RPS6KC1: variants seen among roughly 807,000 people sequenced by gnomAD.
RPS6KC1 encodes ribosomal protein S6 kinase C1, also known as inactive ribosomal protein S6 kinase delta-1.
RPS6KC1 carries 54 observed loss-of-function variants against 103.8 expected under a neutral mutation model. The observed-to-expected ratio is 0.52, with a 90% CI of 0.42 to 0.65. The LOEUF (loss-of-function observed/expected upper bound fraction) is 0.65. Among genes scored for constraint, RPS6KC1 ranks in the 30% least tolerant of loss-of-function variants. RPS6KC1 has a pLI of 0.00. For missense variants in RPS6KC1, 1,151 were observed against 1,253.8 expected (o/e 0.92, Z 1.24); for synonymous variants, 439 against 438.7 (o/e 1.00, Z -0.01).
the RPS6KC1 span, among the ~76,000 whole-genome samples, chr1:213,670,273 T>G: frequency 6.6e-6 from 1 of 152,176 alleles, no homozygotes; most frequent in Non-Finnish European, 1.5e-5. Context: ...GGGAGGAGGC[T>G]GTGCCAGTCT....
the RPS6KC1 span, among the ~76,000 whole-genome samples, chr1:213,375,399 G>A: frequency 6.6e-6 from 1 of 152,058 alleles, no homozygotes; most frequent in African/African-American, 2.4e-5. Flanking sequence ...TCTTAACCTC[G>A]TGCAAAGTGT....
chr1:213,099,022 A>G (rs1174715561), intron 3 of RPS6KC1, among the ~76,000 whole-genome samples: 1 of 152,226 alleles, frequency 6.6e-6, no homozygotes, highest in Admixed American at 6.5e-5. Context: ...AGGGAAATTC[A>G]AAGCTGTAGT....
chr1:213,373,400 A>G, the RPS6KC1 span, among the ~76,000 whole-genome samples: 1 of 152,260 alleles, frequency 6.6e-6, no homozygotes, highest in Non-Finnish European at 1.5e-5. Flanking sequence ...TTTGGGTTTA[A>G]TGATGTTCTT....
the RPS6KC1 span, chr1:213,794,563 A>G: frequency 6.6e-6 from 1 of 152,240 alleles, no homozygotes; most frequent in Non-Finnish European, 1.5e-5. Flanking sequence ...AGACTGGTCT[A>G]AATAAAAATT....
chr1:213,526,980 T>C, the RPS6KC1 span, among the ~76,000 whole-genome samples: 1 of 152,236 alleles, frequency 6.6e-6, no homozygotes, highest in Non-Finnish European at 1.5e-5. Flanking sequence ...ATTCATTGGA[T>C]GGCTTAATTG....
the RPS6KC1 span, among the ~76,000 whole-genome samples, chr1:213,602,102 T>TTCTCTCTCTCTCTC: frequency 4.3e-5 from 1 of 23,002 alleles, no homozygotes; most frequent in African/African-American, 2.0e-4. Flanking sequence ...CTTTCTTTCT[T>TTCTCTCTCTCTCTC]TCTTTCTTTC....
the RPS6KC1 span, among the ~76,000 whole-genome samples, chr1:213,848,900 G>A: frequency 1.1e-4 from 17 of 152,254 alleles, no homozygotes; most frequent in Middle Eastern, 0.014. Context: ...TGAGGGGAGA[G>A]GAATCCCGGG....
the RPS6KC1 span, among the ~76,000 whole-genome samples, chr1:213,753,351 C>T: frequency 6.6e-6 from 1 of 152,088 alleles, no homozygotes; most frequent in African/African-American, 2.4e-5. Context: ...AGTTGATCTC[C>T]CATTACTTTC....
At chr1:213,624,725 G>A in the RPS6KC1 span, among the ~76,000 whole-genome samples, 1 of 152,256 alleles carries the variant, frequency 6.6e-6, no homozygotes, top group African/African-American at 2.4e-5. Flanking sequence ...GACCTGTGGT[G>A]CTCAGGATCC....
the RPS6KC1 span, among the ~76,000 whole-genome samples, chr1:213,522,432 T>C: frequency 6.6e-6 from 1 of 152,210 alleles, no homozygotes; most frequent in East Asian, 1.9e-4. Context: ...CAATGAGCAT[T>C]GGCTTCCACT....
At chr1:213,806,150 G>T in the RPS6KC1 span, among the ~76,000 whole-genome samples, 1 of 152,078 alleles carries the variant, frequency 6.6e-6, no homozygotes, top group African/African-American at 2.4e-5. Flanking sequence ...GGCTAACACG[G>T]TGAAACCCTG....
the RPS6KC1 span, among the ~76,000 whole-genome samples, chr1:213,826,144 G>A: frequency 4.0e-5 from 6 of 151,812 alleles, no homozygotes; most frequent in African/African-American, 1.4e-4. Context: ...CCATCTTTAG[G>A]AGAAAAAAAT....
chr1:213,083,551 G>C (rs907066187), intron 3 of RPS6KC1, among the ~76,000 whole-genome samples: 5 of 152,136 alleles, frequency 3.3e-5, no homozygotes, highest in Admixed American at 6.5e-5. Context: ...CTACACTTAG[G>C]GAACGACACC....
chr1:213,400,203 G>A, the RPS6KC1 span, among the ~76,000 whole-genome samples: 1 of 152,072 alleles, frequency 6.6e-6, no homozygotes, highest in East Asian at 1.9e-4. Flanking sequence ...TCCCAGGAAG[G>A]AAGGAAGGGA....
the RPS6KC1 span, among the ~76,000 whole-genome samples, chr1:213,368,109 A>G: frequency 6.6e-6 from 1 of 152,234 alleles, no homozygotes; most frequent in Non-Finnish European, 1.5e-5. Flanking sequence ...ATAGGCCGCT[A>G]GTGGCCTCCT....
the RPS6KC1 span, among the ~76,000 whole-genome samples, chr1:213,693,142 G>A: frequency 2.6e-5 from 4 of 152,092 alleles, no homozygotes; most frequent in Non-Finnish European, 5.9e-5. Flanking sequence ...CTTCCCTCTT[G>A]CCTTCCTTCA....
At chr1:213,428,713 T>A in the RPS6KC1 span, 4 of 151,432 alleles carry the variant, frequency 2.6e-5, no homozygotes, top group African/African-American at 9.7e-5. Context: ...AGTTCTCATA[T>A]CCATTGACTG....
the RPS6KC1 span, among the ~76,000 whole-genome samples, chr1:213,783,814 CCAAAAAAA>C: frequency 2.8e-4 from 8 of 28,380 alleles, no homozygotes; most frequent in African/African-American, 2.0e-3. Flanking sequence ...AAAGATGTTG[CCAAAAAAA>C]AAAAAAAAAA....
At chr1:213,841,571 C>A in the RPS6KC1 span, among the ~76,000 whole-genome samples, 3 of 152,160 alleles carry the variant, frequency 2.0e-5, no homozygotes, top group African/African-American at 7.2e-5. Flanking sequence ...TGAGGAAACT[C>A]CTTCATTCTG....
Sources: allele counts gnomAD v4.1 joint callset (sites outside exome capture counted in the v4.1 genomes callset), GRCh38; gene constraint gnomAD v4.1.1; transcripts MANE v1.5; gene names NCBI Gene and HGNC (gene_info 2026-07-23, HGNC 2026-07-21).